The following TENT4A variants were observed in gnomAD, a reference collection of about 807,000 sequenced individuals.
The protein encoded by TENT4A is DNA polymerase kappa.
In TENT4A, 7 loss-of-function variants were observed where a neutral mutation model predicts 72.8. That is an observed-to-expected ratio of 0.10 (90% CI 0.05 to 0.18). The LOEUF is 0.18. Among genes scored for constraint, TENT4A ranks in the 10% least tolerant of loss-of-function variants. The pLI, the probability that TENT4A is intolerant of heterozygous loss-of-function variation, is 1.00. For synonymous variants in TENT4A, 456 were observed against 434.3 expected (o/e 1.05, Z -0.62); for missense variants, 831 against 1,017.7 (o/e 0.82, Z 2.50).
chr5:6,732,401 C>T (rs2126622489), intron 1 of TENT4A, among the ~76,000 whole-genome samples: 1 of 152,328 alleles, frequency 6.6e-6, no homozygotes, highest in East Asian at 1.9e-4. Flanking sequence ...GTTTTGTTCT[C>T]TAACTGTAGG....
chr5:6,748,931 C>A (rs1561044957), intron 8 of TENT4A, among the ~76,000 whole-genome samples: 1 of 152,012 alleles, frequency 6.6e-6, no homozygotes, highest in Non-Finnish European at 1.5e-5. Flanking sequence ...TTTTACAGTC[C>A]CAAAATGTAG....
rs1741714169 is a variant in TENT4A, at chr5:6,739,991, G to A, written c.1008+139G>A. 3.9e-6 allele frequency: 3 copies of A among 766,976 alleles called. No homozygotes were observed. The African/African-American group carries it at 5.3e-5, about 13-fold the overall frequency. The allele number at this position is 766,976 out of a possible 1,614,324, so 47.5% of individuals were successfully genotyped here. ...AGTTTTGAAGATTAATCTGCTTCTGGTATAGACATGTGTTTTATGTTTTTG... is the reference window on the plus strand; with the variant it reads ...AGTTTTGAAGATTAATCTGCTTCTGATATAGACATGTGTTTTATGTTTTTG... On this transcript the variant is annotated intron_variant, in intron 4 of 12. Transcript: ENST00000230859.
chr5:6,718,218 G>GC (rs1740478598), intron 1 of TENT4A, among the ~76,000 whole-genome samples: 1 of 152,272 alleles, frequency 6.6e-6, no homozygotes, highest in African/African-American at 2.4e-5. Context: ...GGTCAGCCAT[G>GC]CCCCGCAAGG....
At position 6,749,673 on chromosome 5, in the gene TENT4A, A is replaced by C; in HGVS notation, c.1687+16A>C. 1 of 1,521,514 alleles carries C rather than the reference A, an allele frequency of 6.6e-7. No individual in the cohort carries two copies. Among genetic ancestry groups the C allele is most frequent in the Non-Finnish European group, 9.1e-7 (1 of 1,095,528 alleles). 94.3% of individuals were successfully genotyped at this position (1,521,514 alleles called of 1,614,324 possible). On this transcript the variant is annotated intron_variant, in intron 9 of 12. Transcript: ENST00000230859. ...CCAGGCATGGGTGAGAGATTAATTC[A>C]TTTGTGTTCATCCTAACCACTGGCT...
intron 1 of TENT4A, among the ~76,000 whole-genome samples, chr5:6,734,333 C>T (rs534436788): frequency 3.2e-4 from 49 of 152,354 alleles, no homozygotes; most frequent in African/African-American, 1.0e-3. Context: ...GAGGGCCTCA[C>T]AAAGAGCCAA....
chr5:6,749,702 A>G, intron 9 of TENT4A, 45 bp downstream of exon 9: 1 of 1,243,526 alleles, frequency 8.0e-7, no homozygotes, highest in South Asian at 1.2e-5. Context: ...ACTGGCTGGC[A>G]TGTTCATGCA....
intron 1 of TENT4A, among the ~76,000 whole-genome samples, chr5:6,736,882 T>C (rs982177035): frequency 5.9e-5 from 9 of 152,264 alleles, no homozygotes; most frequent in African/African-American, 2.2e-4. Context: ...TACTTGAGTA[T>C]TGAATTCGAT....
intron 1 of TENT4A, among the ~76,000 whole-genome samples, chr5:6,732,410 G>A (rs1214475131): frequency 1.3e-5 from 2 of 152,156 alleles, no homozygotes; most frequent in African/African-American, 4.8e-5. Flanking sequence ...TCTAACTGTA[G>A]GATCCTTCTT....
chr5:6,753,670 G>A (rs537201466), intron 12 of TENT4A, among the ~76,000 whole-genome samples: 3 of 152,206 alleles, frequency 2.0e-5, no homozygotes, highest in South Asian at 2.1e-4. Context: ...ATGTTCCTTG[G>A]GCTCTGCGGA....
rs1335190448 is a variant in TENT4A at position 6,714,160 on chromosome 5, G to A, written c.177G>A (p.Arg59=). 2 of 974,394 alleles carry A rather than the reference G, an allele frequency of 2.1e-6. No individual in the cohort carries two copies. The highest frequency in any genetic ancestry group is 1.8e-5 in the African/African-American group (1 of 55,130). The allele number at this position is 974,394 out of a possible 1,614,324, so 60.4% of individuals were successfully genotyped here. ...DTAAAAGAAG[R]GSGGLGPALP... ...CGGCCGCGGCGGGGGCGGCCGGGCG[G>A]GGCAGTGGCGGCCTGGGCCCCGCGC... The change falls in exon 1 of 13, where the codon CGG becomes CGA. Residue 59 remains arginine (R), a synonymous_variant. Transcript: ENST00000230859.
At chr5:6,754,724 A>G (rs1487714355) in intron 12 of TENT4A, 27 bp from the exon 13 acceptor site, 1 of 1,541,330 alleles carries the variant, frequency 6.5e-7, no homozygotes, top group Non-Finnish European at 8.8e-7. Flanking sequence ...GTCTGGCTCC[A>G]ACACTGCTGT....
chr5:6,748,170 C>A (rs1742207627), intron 7 of TENT4A, among the ~76,000 whole-genome samples: 1 of 152,238 alleles, frequency 6.6e-6, no homozygotes, highest in South Asian at 2.1e-4. Flanking sequence ...GTCACTCCGT[C>A]TGTGAATGGC....
At chr5:6,743,919 C>T in intron 6 of TENT4A, 79 bp downstream of exon 6, 1 of 1,328,676 alleles carries the variant, frequency 7.5e-7, no homozygotes, top group South Asian at 1.3e-5. Context: ...CTAGTGGGTT[C>T]CAGCAGCCTT....
intron 1 of TENT4A, among the ~76,000 whole-genome samples, chr5:6,723,484 C>G (rs1740760294): frequency 6.6e-6 from 1 of 152,204 alleles, no homozygotes; most frequent in Non-Finnish European, 1.5e-5. Context: ...AGTGATATTA[C>G]TCCTGTTTTG....
intron 2 of TENT4A, 131 bp from the exon 3 acceptor site, chr5:6,738,552 T>A: frequency 1.4e-6 from 1 of 730,204 alleles, no homozygotes. Context: ...TACGGTCCCC[T>A]CCATCAGTTT....
In TENT4A at chr5:6,724,960, G is replaced by C. The variant is rs193295318; in HGVS notation, c.716+10261G>C. On this transcript the variant is annotated intron_variant, in intron 1 of 12. Coordinates refer to ENST00000230859, the MANE Select transcript of TENT4A (RefSeq NM_006999.6). ...ATTGGAGTCCAGGTAGTCTCACTCC[G>C]TAGCCTGTCTCTTTAGCCACTGGAA... 4.6e-5 allele frequency among the ~76,000 whole-genome samples: 7 copies of C among 152,200 alleles called. No individual in the cohort carries two copies. In the South Asian group the frequency reaches 1.4e-3, roughly 31 times the overall value.
chr5:6,730,924 T>C (rs1175740285), intron 1 of TENT4A, among the ~76,000 whole-genome samples: 2 of 152,224 alleles, frequency 1.3e-5, no homozygotes. Context: ...TCCCTCAAAA[T>C]AGAAGCAATG....
At chr5:6,737,660 T>A in intron 2 of TENT4A, 27 bp downstream of exon 2, 1 of 1,608,126 alleles carries the variant, frequency 6.2e-7, no homozygotes, top group African/African-American at 1.3e-5. Context: ...GAGTTCTGTG[T>A]CGCACGTCAC....
At chr5:6,718,951 C>T (rs1356178661) in intron 1 of TENT4A, among the ~76,000 whole-genome samples, 3 of 151,682 alleles carry the variant, frequency 2.0e-5, no homozygotes, top group African/African-American at 2.4e-5. Flanking sequence ...GAATGAGAGG[C>T]CTCCAATCTT....
Sources: gnomAD v4.1 joint callset for allele counts (sites outside exome capture counted in the v4.1 genomes callset) on GRCh38, gnomAD v4.1.1 for gene constraint, MANE v1.5 for transcripts, NCBI Gene and HGNC (gene_info 2026-07-23, HGNC 2026-07-21) for gene names.